Variants in LAMA3 observed in about 807,000 individuals in gnomAD.
LAMA3 encodes the protein laminin subunit alpha-3.
A neutral mutation model predicts 402.0 loss-of-function variants in LAMA3; 281 were observed. That is an observed-to-expected ratio of 0.70 (90% confidence interval 0.63 to 0.77). The LOEUF (loss-of-function observed/expected upper bound fraction) is 0.77. Among genes scored for constraint, LAMA3 ranks in the 30% least tolerant of loss-of-function variants. LAMA3 has a pLI of 0.00. For missense variants in LAMA3, 3,840 were observed against 4,215.5 expected (o/e 0.91, Z 2.47); for synonymous variants, 1,431 against 1,558.4 (o/e 0.92, Z 1.93).
Position 23,842,749 on chromosome 18 carries a change from T to C in LAMA3, c.3602T>C (p.Leu1201Ser). 1.2e-6 allele frequency: 2 copies of C among 1,614,200 alleles called. No homozygotes were observed. Among genetic ancestry groups the C allele is most frequent in the Non-Finnish European group, 1.7e-6 (2 of 1,180,040 alleles). The change falls in exon 29 of 75, where the codon TTG becomes TCG. Residue 1201 changes from leucine to serine, a missense_variant and splice_region_variant. By Grantham distance (145) the Leu-to-Ser change is moderately radical. Around this residue, in one of 3 missense-constraint regions of LAMA3, gnomAD observed 2,109 missense variants for 2,376.0 expected, o/e 0.89. Transcript: ENST00000313654. ...GTTCCAGAAGGAAAGTCCTTGGTTT[T>C]GGTGCGTTCCACTCGTTCCTCAACT... Reference protein sequence around the residue: ...VKVPEGKSLVLVRVLVVPAEN... With the variant: ...VKVPEGKSLVSVRVLVVPAEN...
chr18:23,719,858 G>A (rs1217467645), intron 2 of LAMA3, among the ~76,000 whole-genome samples: 2 of 152,092 alleles, frequency 1.3e-5, no homozygotes, highest in Non-Finnish European at 2.9e-5. Flanking sequence ...CACTAAGGAG[G>A]GTGACTCAGC....
intron 55 of LAMA3, among the ~76,000 whole-genome samples, chr18:23,912,493 A>G (rs1258566874): frequency 1.3e-5 from 2 of 152,154 alleles, no homozygotes; most frequent in African/African-American, 2.4e-5. Context: ...AAGAAACACA[A>G]ATGCCTTATG....
At chr18:23,703,123 G>A (rs1179287616) in intron 1 of LAMA3, among the ~76,000 whole-genome samples, 3 of 152,204 alleles carry the variant, frequency 2.0e-5, no homozygotes, top group Non-Finnish European at 4.4e-5. Flanking sequence ...TTCCCAGACT[G>A]CAGTGGGCAG....
At position 23,846,246 on chromosome 18, in the gene LAMA3, T is replaced by A; in HGVS notation, c.3720-51T>A. ...GTGGTAAAGGCAAGGTTGAGGCCAC[T>A]CCCATACACACCTCCCCAGGCATCA... is the stretch of plus-strand genomic sequence containing the variant. On this transcript the variant is annotated intron_variant, in intron 30 of 74. Coordinates refer to ENST00000313654, the MANE Select transcript of LAMA3 (RefSeq NM_198129.4). 5 of 1,575,050 alleles carry A rather than the reference T, an allele frequency of 3.2e-6. No individual in the cohort carries two copies. In the South Asian group the frequency reaches 5.5e-5, roughly 17 times the overall value.
intron 3 of LAMA3, 109 bp from the exon 4 acceptor site, chr18:23,749,319 T>G: frequency 1.5e-6 from 1 of 675,472 alleles, no homozygotes; most frequent in Non-Finnish European, 2.6e-6. Flanking sequence ...AATGCCTTTC[T>G]GTTTTTTCTT....
intron 2 of LAMA3, among the ~76,000 whole-genome samples, chr18:23,733,509 T>A (rs2061426626): frequency 6.6e-6 from 1 of 151,992 alleles, no homozygotes; most frequent in South Asian, 2.1e-4. Context: ...CGGGAGAAAC[T>A]CCCTCCATGA....
At chr18:23,884,891 G>A in intron 41 of LAMA3, 38 bp downstream of exon 41, 2 of 1,516,216 alleles carry the variant, frequency 1.3e-6, no homozygotes, top group Non-Finnish European at 1.8e-6. Context: ...CCTGCAGAGG[G>A]GGCGGGGAGG....
Position 23,932,164 on chromosome 18 carries a change from C to T in LAMA3, c.8581C>T (p.Arg2861Trp), listed in dbSNP as rs750139027. The change falls in exon 66 of 75, where the codon CGG becomes TGG. Residue 2861 changes from arginine (R) to tryptophan (W), a missense_variant. This residue lies in a region of LAMA3 where 840 missense variants were observed against 981.9 expected (regional missense o/e 0.86). Coordinates refer to ENST00000313654, the MANE Select transcript of LAMA3 (RefSeq NM_198129.4). ...TTTGCTTTTCTTCCCTTTCAGACTACGGCTTCTCATCGATGACCAGCTTCT... is the reference window on the plus strand; with the variant it reads ...TTTGCTTTTCTTCCCTTTCAGACTATGGCTTCTCATCGATGACCAGCTTCT... ...VSVISDNSGL[R>W]LLIDDQLLRN... 1.1e-5 allele frequency: 17 copies of T among 1,613,736 alleles called. No homozygotes were observed. Among genetic ancestry groups the T allele is most frequent in the African/African-American group, 9.3e-5 (7 of 74,924 alleles).
chr18:23,764,595 CAT>C (rs2062037615), intron 8 of LAMA3, among the ~76,000 whole-genome samples: 1 of 149,820 alleles, frequency 6.7e-6, no homozygotes, highest in African/African-American at 2.5e-5. Flanking sequence ...TCTGCAAAAA[CAT>C]TTTTTTTTTT....
intron 30 of LAMA3, among the ~76,000 whole-genome samples, chr18:23,845,508 G>A (rs1052756634): frequency 5.9e-5 from 9 of 152,088 alleles, no homozygotes; most frequent in Admixed American, 2.0e-4. Context: ...ACTCTCCTCC[G>A]CCATCTAACC....
intron 39 of LAMA3, among the ~76,000 whole-genome samples, chr18:23,880,392 A>G (rs2064857508): frequency 2.0e-5 from 3 of 152,182 alleles, no homozygotes; most frequent in Admixed American, 6.5e-5. Context: ...AAAAGAAAGG[A>G]TATTTTAACA....
chr18:23,939,413 AC>A, intron 68 of LAMA3, 27 bp downstream of exon 68: 1 of 1,612,014 alleles, frequency 6.2e-7, no homozygotes, highest in Non-Finnish European at 8.5e-7. Flanking sequence ...CTGCCCCAGC[AC>A]CAGCTCAGAA....
At chr18:23,928,011 A>G in intron 62 of LAMA3, 112 bp from the exon 63 acceptor site, 1 of 809,100 alleles carries the variant, frequency 1.2e-6, no homozygotes, top group Non-Finnish European at 2.2e-6. Context: ...GATAAACATA[A>G]AACACCTACT....
At chr18:23,729,616 T>TTATA (rs770499468) in intron 2 of LAMA3, among the ~76,000 whole-genome samples, 59 of 152,022 alleles carry the variant, frequency 3.9e-4, no homozygotes, top group African/African-American at 1.3e-3. Flanking sequence ...TTAAAAATGA[T>TTATA]TATATATATA....
intron 1 of LAMA3, among the ~76,000 whole-genome samples, chr18:23,693,610 A>G (rs971949663): frequency 6.6e-6 from 1 of 152,104 alleles, no homozygotes; most frequent in Non-Finnish European, 1.5e-5. Context: ...ACTGGCATAC[A>G]GACTTCTATA....
At position 23,903,529 on chromosome 18, in the gene LAMA3, A is replaced by G. The variant is rs2081142201; in HGVS notation, c.6318+404A>G. Among the ~76,000 whole-genome samples the G allele has an allele frequency of 2.0e-5, 3 of 152,102 alleles. No homozygotes were observed. The South Asian group carries it at 6.2e-4, about 32-fold the overall frequency. ...TATTTCTTTTTTTTATTATACTTTA[A>G]GTTTTAGGGTACATGTGCATAACGT... On this transcript the variant is annotated intron_variant, in intron 49 of 74. Transcript: ENST00000313654.
In LAMA3 at chr18:23,857,942, C is replaced by T; in HGVS notation, c.4235C>T (p.Thr1412Ile). The T allele has an allele frequency of 6.2e-7, 1 of 1,614,172 alleles. No homozygotes were observed. Among genetic ancestry groups the T allele is most frequent in the South Asian group, 1.1e-5 (1 of 91,086 alleles). Residue 1412 changes from threonine to isoleucine, a missense_variant, in exon 33 of 75, where the codon ACT becomes ATT. Physicochemically the swap from Thr to Ile is moderately conservative, Grantham distance 89. Around this residue, in one of 3 missense-constraint regions of LAMA3, gnomAD observed 2,109 missense variants for 2,376.0 expected, o/e 0.89. Transcript: ENST00000313654. Reference protein sequence around the residue: ...CVPCNCNRDGTEPGVCDPGTG... With the variant: ...CVPCNCNRDGIEPGVCDPGTG... ...CCCTGCAATTGCAACAGAGATGGGACTGAGCCAGGAGTGTGTGACCCAGGG... is the reference window on the plus strand; with the variant it reads ...CCCTGCAATTGCAACAGAGATGGGATTGAGCCAGGAGTGTGTGACCCAGGG...
chr18:23,785,639 G>T (rs1359727726), intron 12 of LAMA3, among the ~76,000 whole-genome samples: 1 of 152,122 alleles, frequency 6.6e-6, no homozygotes, highest in Non-Finnish European at 1.5e-5. Flanking sequence ...AGAGCTTGTA[G>T]TCCCATTTCC....
rs376928031 is a variant in LAMA3, at chr18:23,812,860, G to A, written c.1742-197G>A. The stretch of plus-strand genomic sequence containing the variant: ...AGGGATTTGTTCAGTGGCAAAAGAG[G>A]TAATTTGGGGATTAAGGACCATAAA... On this transcript the variant is annotated intron_variant, in intron 13 of 74. Coordinates refer to ENST00000313654, the MANE Select transcript of LAMA3 (RefSeq NM_198129.4). Among the ~76,000 whole-genome samples, 23 of 152,296 alleles carry A rather than the reference G, an allele frequency of 1.5e-4. No individual in the cohort carries two copies. The East Asian group carries it at 3.7e-3, about 24-fold the overall frequency.
Sources: allele counts gnomAD v4.1 joint callset (sites outside exome capture counted in the v4.1 genomes callset), GRCh38; gene constraint gnomAD v4.1.1; regional missense constraint gnomAD v4.1.1; transcripts MANE v1.5; gene names NCBI Gene and HGNC (gene_info 2026-07-23, HGNC 2026-07-21).